The following KIF6 variants were observed in gnomAD, a reference collection of about 807,000 sequenced individuals.
The protein encoded by KIF6 is kinesin family member 6.
Under a neutral mutation model 112.7 loss-of-function variants are expected in KIF6, and 106 were observed. The ratio of observed to expected loss-of-function variants is 0.94; its 90% CI spans 0.80 to 1.11. The LOEUF is 1.11. Ranked by LOEUF, KIF6 falls within the 50% of genes least tolerant of loss-of-function variation. KIF6 has a pLI of 0.00. For missense variants in KIF6, 929 were observed against 964.0 expected, an observed-to-expected ratio of 0.96 and a Z score of 0.48; for synonymous variants, 339 against 339.9, an observed-to-expected ratio of 1.00 and a Z score of 0.03.
chr6:39,719,283 C>T (rs1037405612), intron 2 of KIF6, among the ~76,000 whole-genome samples: 4 of 151,814 alleles, frequency 2.6e-5, no homozygotes, highest in Admixed American at 6.6e-5. Flanking sequence ...TGCGCCATTG[C>T]ACTCCAGCCT....
intron 16 of KIF6, among the ~76,000 whole-genome samples, chr6:39,365,829 G>A (rs904446082): frequency 1.3e-5 from 2 of 152,186 alleles, no homozygotes; most frequent in Non-Finnish European, 2.9e-5. Context: ...GGAGGCGGGC[G>A]GAGGAAGGGC....
intron 3 of KIF6, among the ~76,000 whole-genome samples, chr6:39,710,760 A>C (rs1201640783): frequency 6.6e-6 from 1 of 152,110 alleles, no homozygotes; most frequent in African/African-American, 2.4e-5. Flanking sequence ...TCCAGAAATA[A>C]AGAATAGATA....
chr6:39,471,643 C>T (rs1030939164), intron 13 of KIF6, among the ~76,000 whole-genome samples: 17 of 152,120 alleles, frequency 1.1e-4, no homozygotes, highest in African/African-American at 3.6e-4. Flanking sequence ...GTGTTAAAAT[C>T]ATCTGCCAGC....
intron 5 of KIF6, among the ~76,000 whole-genome samples, chr6:39,627,056 G>T (rs1444360378): frequency 1.3e-5 from 2 of 152,010 alleles, no homozygotes; most frequent in African/African-American, 2.4e-5. Context: ...ATCTCCAAGG[G>T]CTACACCTTG....
chr6:39,386,614 C>G (rs907897850), intron 15 of KIF6, among the ~76,000 whole-genome samples: 1 of 151,834 alleles, frequency 6.6e-6, no homozygotes, highest in African/African-American at 2.4e-5. Context: ...AGCAGTGAGC[C>G]CCTTCCTGAA....
At chr6:39,675,098 T>C (rs901177461) in intron 3 of KIF6, among the ~76,000 whole-genome samples, 1 of 151,796 alleles carries the variant, frequency 6.6e-6, no homozygotes, top group Non-Finnish European at 1.5e-5. Context: ...TTTGCAAAAA[T>C]GTAAGGAAAA....
intron 10 of KIF6, among the ~76,000 whole-genome samples, chr6:39,571,327 T>C (rs1780626836): frequency 1.3e-5 from 2 of 152,242 alleles, no homozygotes; most frequent in African/African-American, 4.8e-5. Context: ...AATGTTTTTC[T>C]GATTTCTCAC....
chr6:39,686,993 G>A (rs890123771), intron 3 of KIF6, among the ~76,000 whole-genome samples: 2 of 152,084 alleles, frequency 1.3e-5, no homozygotes, highest in African/African-American at 4.8e-5. Flanking sequence ...CACTTTAGGA[G>A]GCTGCTGTGT....
chr6:39,653,664 T>C (rs1285131383), intron 3 of KIF6, among the ~76,000 whole-genome samples: 1 of 152,104 alleles, frequency 6.6e-6, no homozygotes, highest in African/African-American at 2.4e-5. Context: ...AAAGGTAAGG[T>C]CAAGCTGCTG....
chr6:39,574,835 A>T (rs1345960070), intron 10 of KIF6, among the ~76,000 whole-genome samples: 1 of 152,034 alleles, frequency 6.6e-6, no homozygotes, highest in African/African-American at 2.4e-5. Flanking sequence ...CTTTCTCTTT[A>T]TCCTTTTATC....
At chr6:39,412,095 C>A (rs898335223) in intron 15 of KIF6, among the ~76,000 whole-genome samples, 1 of 152,146 alleles carries the variant, frequency 6.6e-6, no homozygotes, top group Non-Finnish European at 1.5e-5. Context: ...GCATTCCAAC[C>A]AAATCATTGC....
chr6:39,386,777 G>A lies in KIF6; in HGVS notation c.1811-1105C>T, dbSNP rs184565645. Among the ~76,000 whole-genome samples, 477 of 152,286 alleles carry A rather than the reference G, an allele frequency of 3.1e-3. 1 individual carries two copies. Among genetic ancestry groups the A allele is most frequent in the Admixed American group, 5.4e-3 (83 of 15,306 alleles). The stretch of plus-strand genomic sequence containing the variant: ...TGAAGGAGGGGTGAAACAGCAGCCC[G>A]GAGTTTGTTTATGTCCAAGGGCTCA... On this transcript the variant is annotated intron_variant, in intron 15 of 22. Transcript: ENST00000287152.
At chr6:39,399,366 T>C (rs1458658756) in intron 15 of KIF6, among the ~76,000 whole-genome samples, 1 of 152,094 alleles carries the variant, frequency 6.6e-6, no homozygotes, top group Non-Finnish European at 1.5e-5. Context: ...TACTCAATAG[T>C]GGTCACAACA....
intron 14 of KIF6, among the ~76,000 whole-genome samples, chr6:39,427,758 A>G (rs1470312497): frequency 6.6e-6 from 1 of 152,146 alleles, no homozygotes; most frequent in Non-Finnish European, 1.5e-5. Context: ...TAACTTAGGT[A>G]TGTTTAAACT....
chr6:39,483,027 A>G (rs1774894760), intron 13 of KIF6, among the ~76,000 whole-genome samples: 1 of 152,208 alleles, frequency 6.6e-6, no homozygotes, highest in African/African-American at 2.4e-5. Context: ...ATCAATGGAA[A>G]AGTAAGGATC....
intron 13 of KIF6, among the ~76,000 whole-genome samples, chr6:39,531,458 C>T (rs531640472): frequency 6.6e-6 from 1 of 152,218 alleles, no homozygotes; most frequent in African/African-American, 2.4e-5. Flanking sequence ...CAACAAGGGG[C>T]TGGGCAGTGA....
intron 13 of KIF6, among the ~76,000 whole-genome samples, chr6:39,508,772 A>G (rs760648229): frequency 1.3e-5 from 2 of 152,164 alleles, no homozygotes; most frequent in Non-Finnish European, 2.9e-5. Context: ...CAAGGCCTCT[A>G]TAGATTCCAC....
chr6:39,688,482 A>C (rs2113795220), intron 3 of KIF6, among the ~76,000 whole-genome samples: 1 of 152,356 alleles, frequency 6.6e-6, no homozygotes, highest in South Asian at 2.1e-4. Context: ...AAATGCACCG[A>C]GATAGAAGTT....
chr6:39,391,005 C>A (rs922848803), intron 15 of KIF6, among the ~76,000 whole-genome samples: 2 of 152,284 alleles, frequency 1.3e-5, no homozygotes, highest in African/African-American at 2.4e-5. Flanking sequence ...TAAAATCAGA[C>A]ATATTCATGT....
Sources: gnomAD v4.1 joint callset for allele counts (sites outside exome capture counted in the v4.1 genomes callset) on GRCh38, gnomAD v4.1.1 for gene constraint, MANE v1.5 for transcripts, NCBI Gene and HGNC (gene_info 2026-07-23, HGNC 2026-07-21) for gene names.